ICA1: variants seen among roughly 807,000 people sequenced by gnomAD.
ICA1 encodes 69 kDa islet cell autoantigen.
A neutral mutation model predicts 71.0 loss-of-function variants in ICA1; 40 were observed. The observed-to-expected ratio is 0.56, with a 90% CI of 0.44 to 0.73. The LOEUF is 0.73. ICA1 is among the 30% of genes least tolerant of loss of function. The pLI is 0.00. For missense variants in ICA1, 578 were observed against 576.5 expected (o/e 1.00, Z -0.03); for synonymous variants, 207 against 209.5 (o/e 0.99, Z 0.10).
At chr7:8,224,178 T>C (rs1263337480) in intron 4 of ICA1, among the ~76,000 whole-genome samples, 1 of 152,106 alleles carries the variant, frequency 6.6e-6, no homozygotes, top group African/African-American at 2.4e-5. Flanking sequence ...GGTCAGTAGG[T>C]GCCTTAGACA....
At chr7:8,208,895 C>T (rs1046774817) in intron 6 of ICA1, among the ~76,000 whole-genome samples, 1 of 152,146 alleles carries the variant, frequency 6.6e-6, no homozygotes, top group African/African-American at 2.4e-5. Flanking sequence ...GAGATTCAAG[C>T]TGCTGAGGCA....
intron 6 of ICA1, among the ~76,000 whole-genome samples, chr7:8,217,926 T>C (rs1007859080): frequency 3.9e-5 from 6 of 152,240 alleles, no homozygotes; most frequent in African/African-American, 1.4e-4. Flanking sequence ...AATTTTAATA[T>C]GCATTAGCGA....
chr7:8,116,066 A>G (rs1475283452), intron 13 of ICA1, among the ~76,000 whole-genome samples: 2 of 152,236 alleles, frequency 1.3e-5, no homozygotes, highest in African/African-American at 4.8e-5. Context: ...TTAAGCCAGA[A>G]AAAGAAGTCA....
chr7:8,176,687 C>T (rs1434050912), intron 6 of ICA1, among the ~76,000 whole-genome samples: 1 of 152,200 alleles, frequency 6.6e-6, no homozygotes, highest in African/African-American at 2.4e-5. Context: ...TTCAACAGGG[C>T]ACAACATGCT....
At chr7:8,197,620 GTCTT>G (rs1236861912) in intron 6 of ICA1, among the ~76,000 whole-genome samples, 1 of 140,594 alleles carries the variant, frequency 7.1e-6, no homozygotes, top group Admixed American at 7.1e-5. Context: ...TAATAATGGA[GTCTT>G]TCTATTAAAG....
intron 13 of ICA1, among the ~76,000 whole-genome samples, chr7:8,122,627 A>G (rs1269305879): frequency 2.0e-5 from 3 of 152,246 alleles, no homozygotes; most frequent in Admixed American, 2.0e-4. Context: ...AGGACTGGGA[A>G]TGTCCATTAC....
intron 1 of ICA1, among the ~76,000 whole-genome samples, chr7:8,238,087 G>T (rs1159971681): frequency 6.6e-6 from 1 of 152,128 alleles, no homozygotes; most frequent in Admixed American, 6.6e-5. Context: ...CAGTTTCCAA[G>T]AACTATCAAT....
intron 13 of ICA1, among the ~76,000 whole-genome samples, chr7:8,125,942 G>C (rs1467431431): frequency 6.6e-6 from 1 of 152,170 alleles, no homozygotes; most frequent in Admixed American, 6.5e-5. Flanking sequence ...CGTGTATATG[G>C]GGCAAGGCTG....
intron 13 of ICA1, chr7:8,115,019 G>A (rs1263534439): frequency 6.6e-6 from 1 of 152,162 alleles, no homozygotes; most frequent in East Asian, 1.9e-4. Context: ...GGTTAGTGAG[G>A]GGATAGAGGC....
intron 8 of ICA1, 84 bp downstream of exon 8, chr7:8,157,032 G>A (rs1801857812): frequency 6.2e-7 from 1 of 1,610,790 alleles, no homozygotes; most frequent in South Asian, 1.1e-5. Context: ...GAATAATGAT[G>A]CTTTCTGCAA....
At chr7:8,135,501 GCTT>G (rs2128103676) in intron 12 of ICA1, among the ~76,000 whole-genome samples, 1 of 152,270 alleles carries the variant, frequency 6.6e-6, no homozygotes, top group East Asian at 1.9e-4. Flanking sequence ...AAGAGAAGGC[GCTT>G]TTTAGAACTT....
In ICA1 at chr7:8,133,016, G is replaced by A. The variant is rs574816190; in HGVS notation, c.1061-4874C>T. Among the ~76,000 whole-genome samples, 150 of 152,326 alleles carry A rather than the reference G, an allele frequency of 9.8e-4. 2 individuals carry two copies. The highest frequency in any genetic ancestry group is 3.5e-3 in the African/African-American group (144 of 41,570). The stretch of plus-strand genomic sequence containing the variant: ...AAACCCTAGTGCGGCAGCTTGAGAG[G>A]TGCGGCCTTTAAGAGGTGATTGGGT... On this transcript the variant is annotated intron_variant, in intron 12 of 13. Coordinates refer to ENST00000402384, the MANE Select transcript of ICA1 (RefSeq NM_001136020.3).
intron 13 of ICA1, among the ~76,000 whole-genome samples, chr7:8,115,896 T>C (rs984005915): frequency 6.6e-6 from 1 of 152,192 alleles, no homozygotes; most frequent in Admixed American, 6.5e-5. Context: ...AATGCCCTAT[T>C]TGGTGGTGGC....
intron 6 of ICA1, among the ~76,000 whole-genome samples, chr7:8,183,262 G>A (rs1782779002): frequency 6.6e-6 from 1 of 152,146 alleles, no homozygotes; most frequent in African/African-American, 2.4e-5. Flanking sequence ...AGAAAGTGAA[G>A]GTTCTATCTT....
chr7:8,140,615 G>A (rs1794881693), intron 10 of ICA1, among the ~76,000 whole-genome samples: 1 of 152,230 alleles, frequency 6.6e-6, no homozygotes, highest in Non-Finnish European at 1.5e-5. Context: ...GACTATGTCT[G>A]GTGCACCACT....
chr7:8,177,574 A>G (rs1781001510), intron 6 of ICA1, among the ~76,000 whole-genome samples: 1 of 152,104 alleles, frequency 6.6e-6, no homozygotes. Flanking sequence ...TTTTATTTTT[A>G]TTAATCTTTC....
rs868627074 is a variant in ICA1, at chr7:8,152,611, C to T, written c.804+4505G>A. On this transcript the variant is annotated intron_variant, in intron 8 of 13. Coordinates refer to ENST00000402384, the MANE Select transcript of ICA1 (RefSeq NM_001136020.3). ...ACCACCACTACCCCCAGCACTACCA[C>T]CATCACCTCTTCCACCACTACCACC... Among the ~76,000 whole-genome samples, 369 of 124,852 alleles carry T rather than the reference C, an allele frequency of 3.0e-3. 3 individuals carry two copies. The highest frequency in any genetic ancestry group is 3.5e-3 in the Non-Finnish European group (186 of 53,002). 81.9% of individuals were successfully genotyped at this position (124,852 alleles called of 152,430 possible). A position where few individuals can be genotyped will look rare whatever the true frequency, so the allele number is the denominator to read the frequency against.
chr7:8,258,117 G>A (rs1810876927), intron 1 of ICA1, among the ~76,000 whole-genome samples: 1 of 152,108 alleles, frequency 6.6e-6, no homozygotes, highest in African/African-American at 2.4e-5. Flanking sequence ...CCCGCCCTGG[G>A]CTGCATTACC....
At chr7:8,186,968 A>G (rs1366009146) in intron 6 of ICA1, among the ~76,000 whole-genome samples, 1 of 152,260 alleles carries the variant, frequency 6.6e-6, no homozygotes, top group Admixed American at 6.5e-5. Flanking sequence ...TTGGGCAACA[A>G]GAATGTTTAT....
Sources: allele counts gnomAD v4.1 joint callset (sites outside exome capture counted in the v4.1 genomes callset), GRCh38; gene constraint gnomAD v4.1.1; transcripts MANE v1.5; gene names NCBI Gene and HGNC (gene_info 2026-07-23, HGNC 2026-07-21).